KDM4A: variants seen among roughly 807,000 people sequenced by gnomAD.
KDM4A encodes lysine demethylase 4A, also known as lysine-specific demethylase 4A.
KDM4A carries 23 observed loss-of-function variants against 127.1 expected under a neutral mutation model. The ratio of observed to expected loss-of-function variants is 0.18; its 90% CI spans 0.13 to 0.26. The LOEUF (loss-of-function observed/expected upper bound fraction) is 0.26. Among genes scored for constraint, KDM4A ranks in the 10% least tolerant of loss-of-function variants. The probability of loss-of-function intolerance (pLI) is 1.00; values close to 1 mark genes in which losing one functional copy is unlikely to be tolerated. For missense variants in KDM4A, 890 were observed against 1,329.1 expected, an observed-to-expected ratio of 0.67 and a Z score of 5.14; for synonymous variants, 443 against 466.5, an observed-to-expected ratio of 0.95 and a Z score of 0.65.
At chr1:43,701,439 C>T (rs1285104126) in intron 19 of KDM4A, among the ~76,000 whole-genome samples, 1 of 152,138 alleles carries the variant, frequency 6.6e-6, no homozygotes, top group African/African-American at 2.4e-5. Flanking sequence ...TGCCAGATAC[C>T]TAAGTCTGAA....
In KDM4A at chr1:43,688,794, C is replaced by A; in HGVS notation, c.1856-120C>A. 2 of 821,366 alleles carry A rather than the reference C, an allele frequency of 2.4e-6. No homozygotes were observed. Among genetic ancestry groups the A allele is most frequent in the South Asian group, 3.5e-5 (2 of 56,978 alleles). 50.9% of individuals were successfully genotyped at this position (821,366 alleles called of 1,614,324 possible). ...TTTGCCTTTATCATCCTTAGGAATT[C>A]AGGAGTCACCCTTGGTCCAAACCTA... On this transcript the variant is annotated intron_variant, in intron 12 of 21. Transcript: ENST00000372396. The surrounding 1 kb of genome is among the most constrained non-coding windows in gnomAD (Gnocchi z 4.4).
At position 43,664,457 on chromosome 1, in the gene KDM4A, C is replaced by T. The variant is rs915873800; in HGVS notation, c.624-1239C>T. Among the ~76,000 whole-genome samples the T allele has an allele frequency of 1.4e-4, 21 of 152,202 alleles. 1 individual carries two copies. In the East Asian group the frequency reaches 4.0e-3, roughly 29 times the overall value. On this transcript the variant is annotated intron_variant, in intron 5 of 21. Transcript: ENST00000372396. ...TGTTTAGGGAGCTAGGGGGAGTCTG[C>T]TGTAGTTTGGGTGCTGTGTAAAACG...
chr1:43,651,126 G>A (rs1439193113), intron 1 of KDM4A, among the ~76,000 whole-genome samples: 1 of 152,244 alleles, frequency 6.6e-6, no homozygotes, highest in Non-Finnish European at 1.5e-5. Context: ...GAAGGCCCGG[G>A]GAAGGGCCCC....
chr1:43,685,270 G>C (rs1040781060), intron 12 of KDM4A, among the ~76,000 whole-genome samples: 2 of 152,122 alleles, frequency 1.3e-5, no homozygotes, highest in Non-Finnish European at 2.9e-5. Flanking sequence ...CTCCTTGGCT[G>C]CCTGAAGCCC....
At chr1:43,678,314 AAGAAC>A (rs1023503486) in intron 11 of KDM4A, among the ~76,000 whole-genome samples, 3 of 152,026 alleles carry the variant, frequency 2.0e-5, no homozygotes, top group Non-Finnish European at 2.9e-5. Flanking sequence ...GTGTAGAGTG[AAGAAC>A]AGTTTCACAG....
In KDM4A at chr1:43,691,483, G is replaced by A. The variant is rs1478593001; in HGVS notation, c.2243-13G>A. The A allele has an allele frequency of 1.9e-6, 3 of 1,610,974 alleles. No homozygotes were observed. Among genetic ancestry groups the A allele is most frequent in the African/African-American group, 2.7e-5 (2 of 74,736 alleles). On this transcript the variant is annotated splice_polypyrimidine_tract_variant and intron_variant, in intron 14 of 21. Coordinates refer to ENST00000372396, the MANE Select transcript of KDM4A (RefSeq NM_014663.3). Reference sequence around the variant, plus strand: ...CACTGGGTTTAATTTGCTCATCTTGGTGTCCCTGTTAGGTTGCTATGGGGT... The same window carrying A: ...CACTGGGTTTAATTTGCTCATCTTGATGTCCCTGTTAGGTTGCTATGGGGT...
chr1:43,694,181 T>G lies in KDM4A; in HGVS notation c.2484+79T>G. 3 of 1,136,066 alleles carry G rather than the reference T, an allele frequency of 2.6e-6. No homozygotes were observed. Among genetic ancestry groups the G allele is most frequent in the Non-Finnish European group, 3.9e-6 (3 of 778,772 alleles). 70.4% of individuals were successfully genotyped at this position (1,136,066 alleles called of 1,614,324 possible). On this transcript the variant is annotated intron_variant, in intron 17 of 21. Transcript: ENST00000372396. This position sits in a 1 kb window ranked among gnomAD's most constrained non-coding sequence, Gnocchi z 5.2. ...AGAGAACAGGGACCTCCTGTACCCC[T>G]TGGTTTTGGTTAGAGTTTGTGATTC...
intron 12 of KDM4A, among the ~76,000 whole-genome samples, chr1:43,686,484 G>A (rs975517203): frequency 1.3e-5 from 2 of 152,026 alleles, no homozygotes; most frequent in African/African-American, 2.4e-5. Context: ...TTACAGGTGT[G>A]TGCTACGACG....
chr1:43,701,228 T>G (rs1316124004), intron 19 of KDM4A, among the ~76,000 whole-genome samples: 1 of 152,198 alleles, frequency 6.6e-6, no homozygotes, highest in Non-Finnish European at 1.5e-5. Context: ...CATAAATATT[T>G]TAAAAATTAC....
rs1661197679 is a variant in KDM4A at position 43,694,535 on chromosome 1, T to A, written c.2485-174T>A. Reference sequence around the variant, plus strand: ...CGTCTCAAAAAAAAAAAAAAAAAAATTTCCTTGGCAGATAAAGTTGTAACC... The same window carrying A: ...CGTCTCAAAAAAAAAAAAAAAAAAAATTCCTTGGCAGATAAAGTTGTAACC... On this transcript the variant is annotated intron_variant, in intron 17 of 21. Coordinates refer to ENST00000372396, the MANE Select transcript of KDM4A (RefSeq NM_014663.3). This position sits in a 1 kb window ranked among gnomAD's most constrained non-coding sequence, Gnocchi z 5.2. 6.7e-6 allele frequency among the ~76,000 whole-genome samples: 1 copy of A among 149,762 alleles called. No individual in the cohort carries two copies. Among genetic ancestry groups the A allele is most frequent in the Non-Finnish European group, 1.5e-5 (1 of 67,590 alleles).
chr1:43,698,764 T>C (rs2154049155), intron 19 of KDM4A, among the ~76,000 whole-genome samples: 2 of 152,344 alleles, frequency 1.3e-5, no homozygotes, highest in South Asian at 4.1e-4. Context: ...TTAGTAGTAC[T>C]CATAGCAGTA....
At chr1:43,698,776 C>T (rs1250730051) in intron 19 of KDM4A, among the ~76,000 whole-genome samples, 1 of 152,162 alleles carries the variant, frequency 6.6e-6, no homozygotes, top group East Asian at 1.9e-4. Context: ...ATAGCAGTAG[C>T]ATAGCTATCA....
At position 43,666,857 on chromosome 1, in the gene KDM4A, C is replaced by G. The variant is rs565681653; in HGVS notation, c.778-97C>G. On this transcript the variant is annotated intron_variant, in intron 7 of 21. Transcript: ENST00000372396. ...AGGACCCCAGGGGTTTTATGACTTACCCTTTGTTACTCAGCTAAGTTGTGG... is the reference window on the plus strand; with the variant it reads ...AGGACCCCAGGGGTTTTATGACTTAGCCTTTGTTACTCAGCTAAGTTGTGG... 5.6e-6 allele frequency: 7 copies of G among 1,258,794 alleles called. No homozygotes were observed. In the South Asian group the frequency reaches 9.1e-5, roughly 16 times the overall value. The allele number at this position is 1,258,794 out of a possible 1,614,324, so 78.0% of individuals were successfully genotyped here.
chr1:43,652,736 C>T (rs1290862064), intron 1 of KDM4A, among the ~76,000 whole-genome samples: 3 of 144,406 alleles, frequency 2.1e-5, no homozygotes, highest in Admixed American at 7.2e-5. Flanking sequence ...GTCTGGAGTG[C>T]GATGGCGCAA....
At chr1:43,701,898 G>A (rs1413596715) in intron 19 of KDM4A, among the ~76,000 whole-genome samples, 1 of 152,150 alleles carries the variant, frequency 6.6e-6, no homozygotes, top group African/African-American at 2.4e-5. Flanking sequence ...TGTCTTATGA[G>A]GACTTAACAC....
chr1:43,662,739 A>G (rs1458937166), intron 4 of KDM4A, among the ~76,000 whole-genome samples, 155 bp from the exon 5 acceptor site: 1 of 152,224 alleles, frequency 6.6e-6, no homozygotes, highest in African/African-American at 2.4e-5. Context: ...AAAGTCAATG[A>G]GGAATGCTAT....
In KDM4A at chr1:43,694,125, T is replaced by C. The variant is rs1407968501; in HGVS notation, c.2484+23T>C. On this transcript the variant is annotated intron_variant, in intron 17 of 21. Transcript: ENST00000372396. The surrounding 1 kb of genome is among the most constrained non-coding windows in gnomAD (Gnocchi z 5.2). ...CTGGTAAGGGCTTGTAGACTCTACA[T>C]AATTTCCCGACTTACAAGTTTCTGG... 6.3e-7 allele frequency: 1 copy of C among 1,578,738 alleles called. No individual in the cohort carries two copies. The highest frequency in any genetic ancestry group is 1.1e-5 in the South Asian group (1 of 89,960).
chr1:43,703,807 G>A, intron 20 of KDM4A, 71 bp downstream of exon 20: 1 of 1,593,072 alleles, frequency 6.3e-7, no homozygotes, highest in Non-Finnish European at 8.6e-7. Flanking sequence ...TTGGGCCAGA[G>A]GCGAGTCTTT....
At chr1:43,669,839 G>A (rs776314222) in intron 10 of KDM4A, among the ~76,000 whole-genome samples, 2 of 151,920 alleles carry the variant, frequency 1.3e-5, no homozygotes, top group African/African-American at 2.4e-5. Flanking sequence ...TTTTAGTAGC[G>A]ATGGGGTTTC....
Sources: gnomAD v4.1 joint callset for allele counts (sites outside exome capture counted in the v4.1 genomes callset) on GRCh38, gnomAD v4.1.1 for gene constraint, Gnocchi (gnomAD v3.1) non-coding constraint, MANE v1.5 for transcripts, NCBI Gene and HGNC (gene_info 2026-07-23, HGNC 2026-07-21) for gene names.